Variants in IQCM observed in about 807,000 individuals in gnomAD.
IQCM encodes IQ domain-containing protein M.
In IQCM, 45 loss-of-function variants were observed where a neutral mutation model predicts 57.6. The ratio of observed to expected loss-of-function variants is 0.78; its 90% CI spans 0.62 to 1.00. The LOEUF is 1.00. Ranked by LOEUF, IQCM falls within the 50% of genes least tolerant of loss-of-function variation. The probability of loss-of-function intolerance (pLI) is 0.00; values close to 1 mark genes in which losing one functional copy is unlikely to be tolerated. For synonymous variants in IQCM, 148 were observed against 158.9 expected (o/e 0.93, Z 0.51); for missense variants, 468 against 511.6 (o/e 0.91, Z 0.82).
At chr4:149,397,441 C>T (rs1331383186) in intron 13 of IQCM, among the ~76,000 whole-genome samples, 1 of 151,836 alleles carries the variant, frequency 6.6e-6, no homozygotes, top group Non-Finnish European at 1.5e-5. Flanking sequence ...GGGGTGATTT[C>T]CCCCATTGCT....
rs201946807 is a variant in IQCM, at chr4:149,368,992, G to GTATATATATATATATATACACGTGTA, written c.1391-16927_1391-16926insTACACGTGTATATATATATATATATA. Among the ~76,000 whole-genome samples the GTATATATATATATATATACACGTGTA allele has an allele frequency of 1.2e-4, 4 of 32,210 alleles. 1 individual carries two copies. Among genetic ancestry groups the GTATATATATATATATATACACGTGTA allele is most frequent in the Non-Finnish European group, 1.7e-4 (3 of 17,722 alleles). 21.1% of individuals were successfully genotyped at this position (32,210 alleles called of 152,430 possible). A position where few individuals can be genotyped will look rare whatever the true frequency, so the allele number is the denominator to read the frequency against. The stretch of plus-strand genomic sequence containing the variant: ...TATATATGTGTATATATATACACGT[G>GTATATATATATATATATACACGTGTA]TATATATATATATATACACGTGTAT... On this transcript the variant is annotated intron_variant, in intron 13 of 13. Transcript: ENST00000636793.
At chr4:149,616,690 T>G (rs763398742) in intron 8 of IQCM, among the ~76,000 whole-genome samples, 5 of 152,074 alleles carry the variant, frequency 3.3e-5, no homozygotes, top group Admixed American at 1.3e-4. Flanking sequence ...GGTGTTTACA[T>G]GGACACAGGG....
chr4:149,443,388 G>A (rs959809254), intron 12 of IQCM, among the ~76,000 whole-genome samples: 3 of 151,904 alleles, frequency 2.0e-5, no homozygotes, highest in Non-Finnish European at 4.4e-5. Context: ...TGTCCTTTGG[G>A]AATCCAAATC....
intron 8 of IQCM, among the ~76,000 whole-genome samples, chr4:149,591,419 T>A (rs1753152050): frequency 6.6e-6 from 1 of 152,082 alleles, no homozygotes; most frequent in Non-Finnish European, 1.5e-5. Context: ...AATTGGCCTA[T>A]TATGCCCCAA....
intron 9 of IQCM, among the ~76,000 whole-genome samples, chr4:149,566,498 G>A (rs780142434): frequency 9.9e-5 from 15 of 152,094 alleles, no homozygotes; most frequent in Non-Finnish European, 1.6e-4. Flanking sequence ...GTGTGTGTGC[G>A]TGTGTGTACA....
chr4:149,403,650 T>A (rs938308073), intron 13 of IQCM, among the ~76,000 whole-genome samples: 1 of 151,932 alleles, frequency 6.6e-6, no homozygotes, highest in Non-Finnish European at 1.5e-5. Context: ...CCTATGAATA[T>A]GCCTGCCATT....
chr4:149,476,602 T>C (rs974667826), intron 12 of IQCM, among the ~76,000 whole-genome samples: 2 of 151,978 alleles, frequency 1.3e-5, no homozygotes, highest in Non-Finnish European at 2.9e-5. Flanking sequence ...ACATTCTTTG[T>C]AAACTGGAAA....
At chr4:149,414,052 G>A (rs572696770) in intron 13 of IQCM, among the ~76,000 whole-genome samples, 1 of 152,286 alleles carries the variant, frequency 6.6e-6, no homozygotes, top group African/African-American at 2.4e-5. Context: ...TTGAGATCCA[G>A]TGGTTTTTTA....
At chr4:149,406,377 A>C (rs1354729578) in intron 13 of IQCM, among the ~76,000 whole-genome samples, 1 of 152,166 alleles carries the variant, frequency 6.6e-6, no homozygotes, top group East Asian at 1.9e-4. Context: ...ACTTGAAGAG[A>C]GATCTGAAGA....
intron 13 of IQCM, among the ~76,000 whole-genome samples, chr4:149,368,446 G>A (rs1235548203): frequency 1.3e-5 from 2 of 151,870 alleles, no homozygotes; most frequent in Non-Finnish European, 2.9e-5. Flanking sequence ...CAGTACTCAT[G>A]ACTGCTAAGG....
intron 13 of IQCM, among the ~76,000 whole-genome samples, chr4:149,397,542 T>G (rs7683878): frequency 0.22 from 33,206 of 151,856 alleles, 4,574 homozygotes; most frequent in Non-Finnish European, 0.3. Context: ...ATGTAAGATG[T>G]GCCTTGCTTC....
intron 13 of IQCM, among the ~76,000 whole-genome samples, chr4:149,359,666 T>C (rs72724048): frequency 0.28 from 42,881 of 152,070 alleles, 6,188 homozygotes; most frequent in Middle Eastern, 0.33. Flanking sequence ...CTCAAAGGTT[T>C]GAAGTATTAT....
intron 12 of IQCM, among the ~76,000 whole-genome samples, chr4:149,486,057 CTCTCTCTT>C (rs1741469018): frequency 1.4e-5 from 2 of 145,130 alleles, no homozygotes; most frequent in African/African-American, 2.8e-5. Flanking sequence ...CTCTCTCTCT[CTCTCTCTT>C]TCTCTGTCTG....
At chr4:149,631,689 A>G (rs1757279639) in intron 7 of IQCM, among the ~76,000 whole-genome samples, 2 of 152,124 alleles carry the variant, frequency 1.3e-5, no homozygotes, top group Admixed American at 1.3e-4. Context: ...TTTTTTCTGT[A>G]TTCTATTCTC....
At chr4:149,569,624 C>A (rs1750969499) in intron 9 of IQCM, among the ~76,000 whole-genome samples, 1 of 152,054 alleles carries the variant, frequency 6.6e-6, no homozygotes, top group South Asian at 2.1e-4. Flanking sequence ...AAAGAAACAT[C>A]AAAAGAATGG....
intron 5 of IQCM, among the ~76,000 whole-genome samples, chr4:149,706,496 C>A (rs932674944): frequency 2.0e-5 from 3 of 151,930 alleles, no homozygotes; most frequent in African/African-American, 7.2e-5. Flanking sequence ...AGCTATTTCA[C>A]ACATTGATGT....
At chr4:149,708,903 AGAACAGGAATCT>A (rs1412607991) in intron 5 of IQCM, among the ~76,000 whole-genome samples, 1 of 152,124 alleles carries the variant, frequency 6.6e-6, no homozygotes, top group Admixed American at 6.6e-5. Context: ...ACAACCAGAC[AGAACAGGAATCT>A]GACTCATTTG....
intron 5 of IQCM, among the ~76,000 whole-genome samples, chr4:149,720,633 G>A (rs1473260193): frequency 6.6e-6 from 1 of 152,166 alleles, no homozygotes; most frequent in Non-Finnish European, 1.5e-5. Flanking sequence ...TAAGAATTCT[G>A]TTTAGGTTCT....
At chr4:149,368,767 TATAC>T (rs1434138260) in intron 13 of IQCM, among the ~76,000 whole-genome samples, 1 of 118,906 alleles carries the variant, frequency 8.4e-6, no homozygotes, top group Non-Finnish European at 1.8e-5. Context: ...TATATATATA[TATAC>T]ATATATATAC....
Sources: allele counts gnomAD v4.1 joint callset (sites outside exome capture counted in the v4.1 genomes callset), GRCh38; gene constraint gnomAD v4.1.1; transcripts MANE v1.5; gene names NCBI Gene and HGNC (gene_info 2026-07-23, HGNC 2026-07-21).